Variants in MTDH observed in about 807,000 individuals in gnomAD.
MTDH encodes the protein protein LYRIC.
In MTDH, 34 loss-of-function variants were observed where a neutral mutation model predicts 72.7. The observed-to-expected ratio is 0.47, with a 90% CI of 0.36 to 0.62. The LOEUF (loss-of-function observed/expected upper bound fraction) is 0.62, where lower values mean the gene tolerates loss of function less well. Ranked by LOEUF, MTDH falls within the 20% of genes least tolerant of loss-of-function variation. The pLI, the probability that MTDH is intolerant of heterozygous loss-of-function variation, is 0.00. For missense variants in MTDH, 677 were observed against 699.4 expected, an observed-to-expected ratio of 0.97 and a Z score of 0.36; for synonymous variants, 266 against 268.9, an observed-to-expected ratio of 0.99 and a Z score of 0.10.
chr8:97,710,065 A>G (rs1260028680), intron 8 of MTDH, among the ~76,000 whole-genome samples: 2 of 152,190 alleles, frequency 1.3e-5, no homozygotes, highest in Middle Eastern at 3.2e-3. Context: ...TAATCATTAC[A>G]AGACCTTGAA....
chr8:97,657,131 A>G (rs1248543174), intron 1 of MTDH, among the ~76,000 whole-genome samples: 5 of 152,154 alleles, frequency 3.3e-5, no homozygotes, highest in Non-Finnish European at 4.4e-5. Context: ...ACATACATAC[A>G]AAGTGTTCCT....
intron 1 of MTDH, among the ~76,000 whole-genome samples, chr8:97,646,645 A>G (rs1475078269): frequency 6.6e-6 from 1 of 152,228 alleles, no homozygotes; most frequent in Admixed American, 6.5e-5. Flanking sequence ...GACTCATCTG[A>G]AAGAATACAG....
chr8:97,680,997 T>C (rs984948318), intron 2 of MTDH, among the ~76,000 whole-genome samples: 4 of 152,154 alleles, frequency 2.6e-5, no homozygotes, highest in Non-Finnish European at 5.9e-5. Flanking sequence ...CAAGGAAGTT[T>C]GTGACAAATG....
chr8:97,660,875 T>A (rs1159050352), intron 1 of MTDH, among the ~76,000 whole-genome samples, 197 bp from the exon 2 acceptor site: 1 of 138,524 alleles, frequency 7.2e-6, no homozygotes, highest in African/African-American at 2.7e-5. Flanking sequence ...GAATTTTGCT[T>A]ATGAATTTTA....
intron 2 of MTDH, 71 bp from the exon 3 acceptor site, chr8:97,686,597 A>G (rs772861781): frequency 9.2e-6 from 8 of 866,582 alleles, no homozygotes; most frequent in Non-Finnish European, 1.2e-5. Flanking sequence ...ACATTTCATT[A>G]TGTATTTTAC....
intron 1 of MTDH, among the ~76,000 whole-genome samples, chr8:97,659,813 C>T (rs1356394545): frequency 6.6e-6 from 1 of 152,162 alleles, no homozygotes; most frequent in Non-Finnish European, 1.5e-5. Flanking sequence ...ACCTAGGCCC[C>T]ATTCTCCAAA....
At chr8:97,712,125 C>T (rs1417001174) in intron 8 of MTDH, among the ~76,000 whole-genome samples, 2 of 152,198 alleles carry the variant, frequency 1.3e-5, no homozygotes, top group Non-Finnish European at 2.9e-5. Flanking sequence ...GCAACCTCCA[C>T]CTCCCAGGTT....
intron 6 of MTDH, among the ~76,000 whole-genome samples, chr8:97,698,836 T>G (rs910302214): frequency 1.3e-5 from 2 of 152,176 alleles, no homozygotes; most frequent in Non-Finnish European, 2.9e-5. Context: ...AAAAAACAAC[T>G]TTTTTTGACT....
At chr8:97,702,208 G>T (rs1320736745) in intron 7 of MTDH, among the ~76,000 whole-genome samples, 1 of 152,194 alleles carries the variant, frequency 6.6e-6, no homozygotes, top group Non-Finnish European at 1.5e-5. Context: ...TAAAGGAACA[G>T]CATTATTGTA....
At chr8:97,647,950 GAAAA>G (rs59576045) in intron 1 of MTDH, among the ~76,000 whole-genome samples, 1 of 115,616 alleles carries the variant, frequency 8.6e-6, no homozygotes, top group Non-Finnish European at 1.8e-5. Flanking sequence ...TCTCCTAAAA[GAAAA>G]AAAAAAAAAA....
intron 1 of MTDH, among the ~76,000 whole-genome samples, chr8:97,650,321 C>T (rs1811720556): frequency 6.6e-6 from 1 of 151,734 alleles, no homozygotes; most frequent in Non-Finnish European, 1.5e-5. Context: ...GTCAACCAGG[C>T]TGGAGTGCAG....
At chr8:97,688,992 A>G (rs571707368) in intron 4 of MTDH, 46 bp from the exon 5 acceptor site, 1 of 941,896 alleles carries the variant, frequency 1.1e-6, no homozygotes, top group South Asian at 1.8e-5. Flanking sequence ...TAATGTGCAT[A>G]GTGCCCTATT....
rs529195465 is a variant in MTDH at position 97,701,648 on chromosome 8, G to T, written c.1147+1796G>T. ...CAGCTATATGCAGAATAGAATTGAGGATGATTATAACAATGATAGGAGTGA... is the reference window on the plus strand; with the variant it reads ...CAGCTATATGCAGAATAGAATTGAGTATGATTATAACAATGATAGGAGTGA... On this transcript the variant is annotated intron_variant, in intron 7 of 11. Coordinates refer to ENST00000336273, the MANE Select transcript of MTDH (RefSeq NM_178812.4). 1.5e-4 allele frequency among the ~76,000 whole-genome samples: 23 copies of T among 152,252 alleles called. 1 individual carries two copies. The highest frequency in any genetic ancestry group is 1.4e-3 in the Admixed American group (21 of 15,278).
chr8:97,729,741 C>T lies in MTDH; in HGVS notation c.*5071C>T, dbSNP rs1815489404. On this transcript the variant is annotated 3_prime_UTR_variant, in exon 12 of 12. Transcript: ENST00000336273. ...TCCTGGGTTCAAGCAATCCTCCTGA[C>T]TCAGCCTCCTAAATGCTGGGATTAC... 6.6e-6 allele frequency among the ~76,000 whole-genome samples: 1 copy of T among 152,168 alleles called. No individual in the cohort carries two copies. The highest frequency in any genetic ancestry group is 1.5e-5 in the Non-Finnish European group (1 of 68,036).
intron 11 of MTDH, among the ~76,000 whole-genome samples, chr8:97,723,397 CA>C (rs1248710757): frequency 6.5e-4 from 85 of 131,630 alleles, no homozygotes; most frequent in African/African-American, 1.8e-3. Flanking sequence ...GACTCCGTCT[CA>C]AAAAAAAAAA....
At chr8:97,651,755 A>G (rs1440174914) in intron 1 of MTDH, among the ~76,000 whole-genome samples, 3 of 152,182 alleles carry the variant, frequency 2.0e-5, no homozygotes, top group African/African-American at 2.4e-5. Flanking sequence ...GTCTACATGT[A>G]TGCTTGATTT....
At chr8:97,660,702 G>A (rs1812140410) in intron 1 of MTDH, among the ~76,000 whole-genome samples, 1 of 152,080 alleles carries the variant, frequency 6.6e-6, no homozygotes, top group Non-Finnish European at 1.5e-5. Flanking sequence ...CTTTATAGAT[G>A]TAGAAATAAG....
Position 97,729,123 on chromosome 8 carries a change from T to C in MTDH, c.*4453T>C, listed in dbSNP as rs1255924651. 6.7e-6 allele frequency among the ~76,000 whole-genome samples: 1 copy of C among 150,254 alleles called. No homozygotes were observed. The highest frequency in any genetic ancestry group is 1.5e-5 in the Non-Finnish European group (1 of 67,722). ...TTTTTTTTGGTAGAGATGAGGTCAT[T>C]GCTATGTTGCCCAGGCTGGCCTTGA... On this transcript the variant is annotated 3_prime_UTR_variant, in exon 12 of 12. Transcript: ENST00000336273.
intron 2 of MTDH, among the ~76,000 whole-genome samples, chr8:97,668,158 G>A (rs186473923): frequency 6.6e-6 from 1 of 152,000 alleles, no homozygotes; most frequent in Non-Finnish European, 1.5e-5. Flanking sequence ...GAGGTGGCAG[G>A]CGTCTGTAAT....
Sources: allele counts gnomAD v4.1 joint callset (sites outside exome capture counted in the v4.1 genomes callset), GRCh38; gene constraint gnomAD v4.1.1; transcripts MANE v1.5; gene names NCBI Gene and HGNC (gene_info 2026-07-23, HGNC 2026-07-21).